Variants in CNTNAP4 observed in about 807,000 individuals in gnomAD.
The protein encoded by CNTNAP4 is contactin associated protein family member 4.
In CNTNAP4, 98 loss-of-function variants were observed where a neutral mutation model predicts 148.4. That is an observed-to-expected ratio of 0.66 (90% CI 0.56 to 0.78). The LOEUF is 0.78. Among genes scored for constraint, CNTNAP4 ranks in the 30% least tolerant of loss-of-function variants. The pLI is 0.00. For missense variants in CNTNAP4, 1,935 were observed against 1,565.6 expected (o/e 1.24, Z -3.98); for synonymous variants, 730 against 565.1 (o/e 1.29, Z -4.14).
At chr16:76,533,535 C>T (rs2084078662) in intron 17 of CNTNAP4, among the ~76,000 whole-genome samples, 1 of 152,138 alleles carries the variant, frequency 6.6e-6, no homozygotes, top group Admixed American at 6.5e-5. Flanking sequence ...ATGCTAACTA[C>T]TCTGATCTGA....
intron 3 of CNTNAP4, among the ~76,000 whole-genome samples, chr16:76,382,087 A>G (rs1026852076): frequency 4.7e-5 from 7 of 150,452 alleles, no homozygotes; most frequent in East Asian, 1.9e-4. Context: ...AAAAAAAAAA[A>G]AGAGAAAGTT....
chr16:76,339,016 G>GGTA (rs1262130254), intron 2 of CNTNAP4, among the ~76,000 whole-genome samples: 1 of 152,070 alleles, frequency 6.6e-6, no homozygotes, highest in Non-Finnish European at 1.5e-5. Flanking sequence ...GAAAATTGAG[G>GGTA]GTAGTAGTAG....
At chr16:76,372,803 T>C (rs969548274) in intron 3 of CNTNAP4, among the ~76,000 whole-genome samples, 1 of 152,174 alleles carries the variant, frequency 6.6e-6, no homozygotes, top group South Asian at 2.1e-4. Flanking sequence ...TTTCGAATTA[T>C]ACCTTTGACA....
intron 4 of CNTNAP4, among the ~76,000 whole-genome samples, chr16:76,441,320 C>G (rs1248884285): frequency 1.3e-5 from 2 of 152,158 alleles, no homozygotes; most frequent in Admixed American, 1.3e-4. Flanking sequence ...AGACACATTT[C>G]AAGAATACTA....
intron 1 of CNTNAP4, among the ~76,000 whole-genome samples, chr16:76,293,130 CTTTT>C (rs201112549): frequency 6.8e-6 from 1 of 147,668 alleles, no homozygotes; most frequent in Non-Finnish European, 1.5e-5. Context: ...TTCTTTCTTT[CTTTT>C]TTTTTTTCTT....
At chr16:76,421,408 T>A (rs759620430) in intron 3 of CNTNAP4, among the ~76,000 whole-genome samples, 1 of 152,114 alleles carries the variant, frequency 6.6e-6, no homozygotes, top group Non-Finnish European at 1.5e-5. Context: ...TTATAATAAA[T>A]GAATTTTACA....
At chr16:76,496,489 A>T (rs2082407079) in intron 14 of CNTNAP4, among the ~76,000 whole-genome samples, 1 of 152,118 alleles carries the variant, frequency 6.6e-6, no homozygotes, top group Non-Finnish European at 1.5e-5. Flanking sequence ...CCAGGAAAAA[A>T]ATGTTAGAAA....
chr16:76,452,059 GTT>G (rs200276930), intron 7 of CNTNAP4, among the ~76,000 whole-genome samples: 5 of 138,282 alleles, frequency 3.6e-5, no homozygotes, highest in East Asian at 4.3e-4. Flanking sequence ...TGGTAAAAAT[GTT>G]TTTTTTTTTT....
At chr16:76,355,753 G>A (rs1330013789) in intron 3 of CNTNAP4, among the ~76,000 whole-genome samples, 2 of 151,122 alleles carry the variant, frequency 1.3e-5, no homozygotes, top group African/African-American at 4.8e-5. Flanking sequence ...AACCCTATTA[G>A]TCCATTAAAT....
chr16:76,454,518 C>A (rs895721876), intron 8 of CNTNAP4, among the ~76,000 whole-genome samples: 1 of 152,094 alleles, frequency 6.6e-6, no homozygotes, highest in African/African-American at 2.4e-5. Context: ...GGATACTAGA[C>A]TAAATATGAA....
intron 4 of CNTNAP4, among the ~76,000 whole-genome samples, chr16:76,446,328 A>T (rs1002525030): frequency 1.3e-5 from 2 of 152,132 alleles, no homozygotes; most frequent in African/African-American, 4.8e-5. Flanking sequence ...TTCATATTTT[A>T]TTGTATTTTT....
At chr16:76,385,275 C>T (rs1173972528) in intron 3 of CNTNAP4, among the ~76,000 whole-genome samples, 1 of 152,170 alleles carries the variant, frequency 6.6e-6, no homozygotes, top group African/African-American at 2.4e-5. Flanking sequence ...TTTCCATGGA[C>T]AATGAATTAT....
intron 1 of CNTNAP4, among the ~76,000 whole-genome samples, chr16:76,289,031 A>G (rs1031929946): frequency 6.6e-6 from 1 of 151,918 alleles, no homozygotes; most frequent in African/African-American, 2.4e-5. Flanking sequence ...TATTCTTACT[A>G]TTTCTCACTA....
intron 3 of CNTNAP4, among the ~76,000 whole-genome samples, chr16:76,362,508 G>A (rs748585225): frequency 6.6e-6 from 1 of 152,128 alleles, no homozygotes; most frequent in Non-Finnish European, 1.5e-5. Flanking sequence ...TCACACATCT[G>A]ATTTCAAAAT....
chr16:76,494,572 A>G (rs557271173), intron 13 of CNTNAP4, among the ~76,000 whole-genome samples: 1 of 152,226 alleles, frequency 6.6e-6, no homozygotes, highest in Admixed American at 6.5e-5. Flanking sequence ...TTTTGATGCT[A>G]ACTTGTTTCA....
intron 12 of CNTNAP4, among the ~76,000 whole-genome samples, chr16:76,488,274 G>T (rs984276498): frequency 6.6e-6 from 1 of 152,120 alleles, no homozygotes; most frequent in African/African-American, 2.4e-5. Flanking sequence ...AATTGACTTC[G>T]ACATTATACT....
At chr16:76,389,160 A>G (rs1226305295) in intron 3 of CNTNAP4, among the ~76,000 whole-genome samples, 1 of 152,230 alleles carries the variant, frequency 6.6e-6, no homozygotes, top group Non-Finnish European at 1.5e-5. Context: ...CTCAAATGTT[A>G]GGAAATTAGT....
intron 15 of CNTNAP4, among the ~76,000 whole-genome samples, chr16:76,505,373 C>G (rs1302200329): frequency 1.0e-5 from 1 of 97,556 alleles, no homozygotes; most frequent in Admixed American, 9.9e-5. Context: ...AGAAGCCAGA[C>G]TAAAAAGCCT....
intron 3 of CNTNAP4, among the ~76,000 whole-genome samples, chr16:76,373,919 A>G: frequency 6.6e-6 from 1 of 151,472 alleles, no homozygotes; most frequent in East Asian, 1.9e-4. Context: ...AAAAAAGAAA[A>G]GGAAAGGAAA....
Sources: gnomAD v4.1 joint callset for allele counts (sites outside exome capture counted in the v4.1 genomes callset) on GRCh38, gnomAD v4.1.1 for gene constraint, MANE v1.5 for transcripts, NCBI Gene and HGNC (gene_info 2026-07-23, HGNC 2026-07-21) for gene names.